The following UBE2E2 variants were observed in gnomAD, a reference collection of about 807,000 sequenced individuals.
UBE2E2 encodes the protein ubiquitin-conjugating enzyme E2 E2.
UBE2E2 carries 6 observed loss-of-function variants against 24.7 expected under a neutral mutation model. That is an observed-to-expected ratio of 0.24 (90% confidence interval 0.13 to 0.48). The LOEUF (loss-of-function observed/expected upper bound fraction) is 0.48. UBE2E2 is among the 20% of genes least tolerant of loss of function. UBE2E2 has a pLI of 0.99. For missense variants in UBE2E2, 169 were observed against 245.0 expected (o/e 0.69, Z 2.07); for synonymous variants, 104 against 83.6 (o/e 1.24, Z -1.33).
intron 4 of UBE2E2, among the ~76,000 whole-genome samples, chr3:23,531,127 C>A (rs140096705): frequency 6.6e-6 from 1 of 152,078 alleles, no homozygotes; most frequent in Non-Finnish European, 1.5e-5. Flanking sequence ...GTCTCTTGTT[C>A]GACAACCACA....
chr3:23,274,416 A>G (rs9863465), intron 3 of UBE2E2, among the ~76,000 whole-genome samples: 128,065 of 152,062 alleles, frequency 0.84, 54,051 homozygotes, highest in African/African-American at 0.91. Flanking sequence ...GGCAGGCTGC[A>G]GTGCAGTGGC....
At chr3:23,341,570 T>A (rs1018733109) in intron 3 of UBE2E2, among the ~76,000 whole-genome samples, 1 of 152,182 alleles carries the variant, frequency 6.6e-6, no homozygotes, top group Non-Finnish European at 1.5e-5. Context: ...CATTTGAGCA[T>A]CTTATCCAGC....
chr3:23,568,692 C>CACATATATGTATACTTATAT (rs1559424925), intron 5 of UBE2E2, among the ~76,000 whole-genome samples: 1 of 81,248 alleles, frequency 1.2e-5, no homozygotes, highest in African/African-American at 5.7e-5. Flanking sequence ...TACATATATA[C>CACATATATGTATACTTATAT]ACACATATAT....
At chr3:23,575,983 T>C (rs750895050) in intron 5 of UBE2E2, among the ~76,000 whole-genome samples, 33 of 152,204 alleles carry the variant, frequency 2.2e-4, no homozygotes, top group Non-Finnish European at 3.8e-4. Context: ...AAATGCGAGT[T>C]GCAGAATGTC....
chr3:23,268,701 AC>A (rs1489250098), intron 3 of UBE2E2, among the ~76,000 whole-genome samples: 2 of 149,316 alleles, frequency 1.3e-5, no homozygotes, highest in Non-Finnish European at 3.0e-5. Context: ...GGAAAAAACT[AC>A]TTTAAAGTTC....
chr3:23,246,307 G>A (rs991385287), intron 3 of UBE2E2, among the ~76,000 whole-genome samples: 12 of 145,092 alleles, frequency 8.3e-5, no homozygotes, highest in East Asian at 2.0e-4. Flanking sequence ...TGCAAGCTCC[G>A]CCTCCCAGGT....
At chr3:23,457,420 C>T (rs80016780) in intron 3 of UBE2E2, among the ~76,000 whole-genome samples, 1 of 152,190 alleles carries the variant, frequency 6.6e-6, no homozygotes, top group Non-Finnish European at 1.5e-5. Context: ...ATTTTGTCTG[C>T]ACTGAAAATC....
chr3:23,541,019 T>C (rs1695385596), intron 5 of UBE2E2, among the ~76,000 whole-genome samples: 1 of 152,380 alleles, frequency 6.6e-6, no homozygotes, highest in Admixed American at 6.5e-5. Context: ...GTTAGTGTTA[T>C]GGAAATTCCA....
intron 3 of UBE2E2, among the ~76,000 whole-genome samples, chr3:23,370,100 G>A (rs1295969916): frequency 2.0e-5 from 3 of 152,146 alleles, no homozygotes; most frequent in Non-Finnish European, 4.4e-5. Flanking sequence ...TCTGTTGCAT[G>A]TTTGTTTCCC....
rs188123417 is a variant in UBE2E2, at chr3:23,550,328, C to T, written c.508+17627C>T. ...CAAACTGTATTCCCCTATGCAACCC[C>T]ATGTGGCCAAAGGGCTCCCCGTGAA... On this transcript the variant is annotated intron_variant, in intron 5 of 5. Transcript: ENST00000396703. 6.8e-4 allele frequency among the ~76,000 whole-genome samples: 104 copies of T among 152,298 alleles called. 2 individuals are homozygous for T. Among genetic ancestry groups the T allele is most frequent in the African/African-American group, 2.4e-3 (98 of 41,580 alleles).
chr3:23,349,489 G>C (rs1482217575), intron 3 of UBE2E2, among the ~76,000 whole-genome samples: 5 of 152,168 alleles, frequency 3.3e-5, no homozygotes, highest in African/African-American at 9.7e-5. Flanking sequence ...TCAAAGAAAG[G>C]GGTGACAGAC....
rs1696698589 is a variant in UBE2E2 at position 23,589,111 on chromosome 3, G to A, written c.509-623G>A. Among the ~76,000 whole-genome samples the A allele has an allele frequency of 6.6e-6, 1 of 151,978 alleles. No individual in the cohort carries two copies. The highest frequency in any genetic ancestry group is 1.5e-5 in the Non-Finnish European group (1 of 68,002). ...TGAGTCCCCTGCCCACAGCCCACCT[G>A]CATTTTCTCCGTGAAATATCTACTT... On this transcript the variant is annotated intron_variant, in intron 5 of 5. Transcript: ENST00000396703. The surrounding 1 kb of genome is among the most constrained non-coding windows in gnomAD (Gnocchi z 4.1).
chr3:23,221,255 A>G (rs1288612996), intron 3 of UBE2E2, among the ~76,000 whole-genome samples: 3 of 152,228 alleles, frequency 2.0e-5, no homozygotes, highest in African/African-American at 7.2e-5. Context: ...GAATCTGCTC[A>G]TGGAACACTG....
Position 23,249,765 on chromosome 3 carries a change from C to T in UBE2E2, c.227+32453C>T, listed in dbSNP as rs993311087. Among the ~76,000 whole-genome samples, 10 of 152,094 alleles carry T rather than the reference C, an allele frequency of 6.6e-5. 2 individuals carry two copies. Among genetic ancestry groups the T allele is most frequent in the Admixed American group, 1.3e-4 (2 of 15,296 alleles). On this transcript the variant is annotated intron_variant, in intron 3 of 5. Coordinates refer to ENST00000396703, the MANE Select transcript of UBE2E2 (RefSeq NM_152653.4). ...CTGCTTTCTGGGTTCATGCCATTCT[C>T]CTGCCTCAGCCTCCCAAGTAGCTGG...
intron 3 of UBE2E2, among the ~76,000 whole-genome samples, chr3:23,337,417 T>G (rs900680975): frequency 6.6e-6 from 1 of 152,158 alleles, no homozygotes; most frequent in Non-Finnish European, 1.5e-5. Context: ...GATGTAACAG[T>G]GTGCAATACA....
intron 3 of UBE2E2, among the ~76,000 whole-genome samples, chr3:23,419,414 T>C (rs1245674217): frequency 6.6e-6 from 1 of 152,202 alleles, no homozygotes; most frequent in African/African-American, 2.4e-5. Flanking sequence ...TATACAGTGA[T>C]GAGTTGTCAA....
At chr3:23,495,661 A>G (rs975495154) in intron 3 of UBE2E2, among the ~76,000 whole-genome samples, 1 of 152,184 alleles carries the variant, frequency 6.6e-6, no homozygotes, top group Admixed American at 6.5e-5. Flanking sequence ...GTTTAATTAT[A>G]GCTCAGGGCA....
At chr3:23,237,082 A>G (rs1475981813) in intron 3 of UBE2E2, among the ~76,000 whole-genome samples, 1 of 152,302 alleles carries the variant, frequency 6.6e-6, no homozygotes, top group Non-Finnish European at 1.5e-5. Context: ...GGTTAGTTAC[A>G]TACCTTCTCA....
At chr3:23,570,355 C>G (rs1696192515) in intron 5 of UBE2E2, among the ~76,000 whole-genome samples, 1 of 152,228 alleles carries the variant, frequency 6.6e-6, no homozygotes, top group East Asian at 1.9e-4. Context: ...GCCCAGTTCC[C>G]TGATGTTGAA....
Sources: allele counts gnomAD v4.1 joint callset (sites outside exome capture counted in the v4.1 genomes callset), GRCh38; gene constraint gnomAD v4.1.1; non-coding constraint Gnocchi (gnomAD v3.1); transcripts MANE v1.5; gene names NCBI Gene and HGNC (gene_info 2026-07-23, HGNC 2026-07-21).